The following NXPH1 variants were observed in gnomAD, a reference collection of about 807,000 sequenced individuals.
NXPH1 encodes the protein neurexophilin-1.
NXPH1 carries 5 observed loss-of-function variants against 23.7 expected under a neutral mutation model. That is an observed-to-expected ratio of 0.21 (90% CI 0.11 to 0.44). The LOEUF is 0.44. Among genes scored for constraint, NXPH1 ranks in the 20% least tolerant of loss-of-function variants. The probability of loss-of-function intolerance (pLI) is 0.99; values close to 1 mark genes in which losing one functional copy is unlikely to be tolerated. For synonymous variants in NXPH1, 144 were observed against 122.2 expected (o/e 1.18, Z -1.18); for missense variants, 324 against 321.6 (o/e 1.01, Z -0.06).
At chr7:8,721,742 A>C (rs1478153459) in intron 2 of NXPH1, among the ~76,000 whole-genome samples, 1 of 152,138 alleles carries the variant, frequency 6.6e-6, no homozygotes, top group Non-Finnish European at 1.5e-5. Flanking sequence ...TGTGCCACGC[A>C]CTCCAGCCTG....
chr7:8,536,538 C>T (rs535214476), intron 2 of NXPH1, among the ~76,000 whole-genome samples: 1 of 151,840 alleles, frequency 6.6e-6, no homozygotes, highest in African/African-American at 2.4e-5. Flanking sequence ...TTTGGGGGTT[C>T]TTTGGGGAAA....
At chr7:8,573,654 G>A (rs749666224) in intron 2 of NXPH1, among the ~76,000 whole-genome samples, 10 of 152,086 alleles carry the variant, frequency 6.6e-5, no homozygotes, top group Non-Finnish European at 8.8e-5. Context: ...CTTTCTTTTT[G>A]CAGGGAGTTG....
chr7:8,549,841 C>G (rs533278136), intron 2 of NXPH1, among the ~76,000 whole-genome samples: 2 of 151,608 alleles, frequency 1.3e-5, no homozygotes, highest in South Asian at 4.2e-4. Flanking sequence ...GAGCTGGATT[C>G]ACACCCTGGA....
At chr7:8,730,910 C>A (rs1345602390) in intron 2 of NXPH1, among the ~76,000 whole-genome samples, 1 of 151,128 alleles carries the variant, frequency 6.6e-6, no homozygotes, top group Non-Finnish European at 1.5e-5. Context: ...TGGGGATGTT[C>A]TCCTGGATAA....
intron 2 of NXPH1, among the ~76,000 whole-genome samples, chr7:8,728,302 C>A (rs532213055): frequency 1.3e-5 from 2 of 152,284 alleles, no homozygotes; most frequent in East Asian, 3.9e-4. Context: ...AATTTGACTT[C>A]CTCTTTTCCT....
intron 2 of NXPH1, among the ~76,000 whole-genome samples, chr7:8,652,734 A>G (rs1203853005): frequency 1.3e-5 from 2 of 152,138 alleles, no homozygotes; most frequent in East Asian, 1.9e-4. Context: ...TCACACAGGT[A>G]TCTTAGGTTG....
At position 8,513,454 on chromosome 7, in the gene NXPH1, G is replaced by T. The variant is rs140093417; in HGVS notation, c.54+77687G>T. Reference sequence around the variant, plus strand: ...AGCATTAATATTCACATATTTGGTTGCAGAAATATTAAAGTGTTGATTACA... The same window carrying T: ...AGCATTAATATTCACATATTTGGTTTCAGAAATATTAAAGTGTTGATTACA... On this transcript the variant is annotated intron_variant, in intron 2 of 2. Coordinates refer to ENST00000405863, the MANE Select transcript of NXPH1 (RefSeq NM_152745.3). Among the ~76,000 whole-genome samples the T allele has an allele frequency of 2.6e-4, 40 of 152,220 alleles. No individual in the cohort carries two copies. In the East Asian group the frequency reaches 7.4e-3, roughly 28 times the overall value.
intron 2 of NXPH1, among the ~76,000 whole-genome samples, chr7:8,664,327 TTAAAAG>T (rs1199017333): frequency 1.3e-5 from 2 of 152,086 alleles, no homozygotes; most frequent in East Asian, 3.9e-4. Context: ...CCCAACTTGT[TTAAAAG>T]TAATCTGCAC....
At chr7:8,597,703 C>T (rs1472088130) in intron 2 of NXPH1, among the ~76,000 whole-genome samples, 9 of 75,080 alleles carry the variant, frequency 1.2e-4, no homozygotes, top group African/African-American at 2.5e-4. Context: ...AAGGAGGATC[C>T]GGGTGGGGGG....
chr7:8,538,730 C>A (rs942786533), intron 2 of NXPH1, among the ~76,000 whole-genome samples: 3 of 151,864 alleles, frequency 2.0e-5, no homozygotes. Flanking sequence ...TTGGACATTA[C>A]CACTCATGGC....
At chr7:8,552,498 C>T (rs1818295196) in intron 2 of NXPH1, among the ~76,000 whole-genome samples, 1 of 151,316 alleles carries the variant, frequency 6.6e-6, no homozygotes, top group Non-Finnish European at 1.5e-5. Context: ...ATGTCTGCCC[C>T]GGGTACATAA....
intron 2 of NXPH1, among the ~76,000 whole-genome samples, chr7:8,719,439 A>G (rs1054249691): frequency 6.6e-6 from 1 of 151,240 alleles, no homozygotes; most frequent in Non-Finnish European, 1.5e-5. Flanking sequence ...TGGATAGTAC[A>G]ACCCTAGTGG....
At chr7:8,444,834 T>G (rs1226328023) in intron 2 of NXPH1, among the ~76,000 whole-genome samples, 1 of 152,264 alleles carries the variant, frequency 6.6e-6, no homozygotes, top group Non-Finnish European at 1.5e-5. Flanking sequence ...ATAACATTAA[T>G]GAGAACAAAA....
chr7:8,655,311 G>T (rs1820556841), intron 2 of NXPH1, among the ~76,000 whole-genome samples: 1 of 152,006 alleles, frequency 6.6e-6, no homozygotes, highest in African/African-American at 2.4e-5. Context: ...CTTGAGCCTG[G>T]AAGGTGGAGG....
intron 2 of NXPH1, among the ~76,000 whole-genome samples, chr7:8,711,637 A>T (rs1779796891): frequency 6.6e-6 from 1 of 152,156 alleles, no homozygotes; most frequent in Admixed American, 6.5e-5. Flanking sequence ...GTATGGGAAG[A>T]AAGCTATCAC....
In NXPH1 at chr7:8,512,077, G is replaced by C. The variant is rs1044559576; in HGVS notation, c.54+76310G>C. ...TTGACAGCTGCCAAACTAGCCCCCT[G>C]AGTGTCCAAATGAGTTGGCTCTTCT... On this transcript the variant is annotated intron_variant, in intron 2 of 2. Coordinates refer to ENST00000405863, the MANE Select transcript of NXPH1 (RefSeq NM_152745.3). Among the ~76,000 whole-genome samples, 4 of 152,096 alleles carry C rather than the reference G, an allele frequency of 2.6e-5. No homozygotes were observed. In the South Asian group the frequency reaches 8.3e-4, roughly 31 times the overall value.
In NXPH1 at chr7:8,718,959, C is replaced by G. The variant is rs923379719; in HGVS notation, c.55-32049C>G. ...GAATGCTTTGGCACTCATATGCCAT[C>G]AACCCAGACTTGATTTTATGCAGTA... On this transcript the variant is annotated intron_variant, in intron 2 of 2. Transcript: ENST00000405863. 2.6e-5 allele frequency among the ~76,000 whole-genome samples: 4 copies of G among 152,308 alleles called. No individual in the cohort carries two copies. In the East Asian group the frequency reaches 7.7e-4, roughly 29 times the overall value.
intron 2 of NXPH1, among the ~76,000 whole-genome samples, chr7:8,665,941 G>T: frequency 1.3e-5 from 1 of 77,562 alleles, no homozygotes; most frequent in South Asian, 4.4e-4. Context: ...TTTTGAAGGA[G>T]TCTTTGGGTT....
At chr7:8,690,656 A>G (rs920813358) in intron 2 of NXPH1, among the ~76,000 whole-genome samples, 2 of 152,368 alleles carry the variant, frequency 1.3e-5, no homozygotes, top group African/African-American at 4.8e-5. Flanking sequence ...TGCATTTGGA[A>G]CAAAGGAAAC....
Sources: allele counts gnomAD v4.1 joint callset (sites outside exome capture counted in the v4.1 genomes callset), GRCh38; gene constraint gnomAD v4.1.1; transcripts MANE v1.5; gene names NCBI Gene and HGNC (gene_info 2026-07-23, HGNC 2026-07-21).